Variants in ZFHX3 observed in about 807,000 individuals in gnomAD.
The protein encoded by ZFHX3 is zinc finger homeobox 3.
A neutral mutation model predicts 279.1 loss-of-function variants in ZFHX3; 42 were observed. The observed-to-expected ratio is 0.15, with a 90% CI of 0.12 to 0.19. ZFHX3 has a LOEUF of 0.19. Ranked by LOEUF, ZFHX3 falls within the 10% of genes least tolerant of loss-of-function variation. The probability of loss-of-function intolerance (pLI) is 1.00; values close to 1 mark genes in which losing one functional copy is unlikely to be tolerated. For synonymous variants in ZFHX3, 2,293 were observed against 1,957.8 expected, an observed-to-expected ratio of 1.17 and a Z score of -4.52; for missense variants, 4,981 against 4,754.0, an observed-to-expected ratio of 1.05 and a Z score of -1.40.
chr16:73,478,432 C>G (rs2018807691), intron 2 of ZFHX3, among the ~76,000 whole-genome samples: 1 of 152,042 alleles, frequency 6.6e-6, no homozygotes, highest in Non-Finnish European at 1.5e-5. Context: ...TAAATAACAG[C>G]ACTTTGTTAA....
chr16:72,961,681 C>T (rs1961586311), intron 1 of ZFHX3, among the ~76,000 whole-genome samples: 1 of 152,006 alleles, frequency 6.6e-6, no homozygotes, highest in Non-Finnish European at 1.5e-5. Flanking sequence ...ACAACAGCTC[C>T]CCCTCGGGAA....
chr16:73,729,728 G>C (rs1487519499), intron 1 of ZFHX3, among the ~76,000 whole-genome samples: 1 of 152,152 alleles, frequency 6.6e-6, no homozygotes, highest in Non-Finnish European at 1.5e-5. Context: ...ACACGCCAGT[G>C]TTTAATGTCT....
intron 1 of ZFHX3, among the ~76,000 whole-genome samples, chr16:73,697,217 CTTT>C (rs78469043): frequency 7.5e-6 from 1 of 133,838 alleles, no homozygotes. Context: ...ATTCTAACCT[CTTT>C]TTTTTTTTTT....
At chr16:73,333,566 T>A (rs2015847780) in intron 3 of ZFHX3, among the ~76,000 whole-genome samples, 1 of 152,036 alleles carries the variant, frequency 6.6e-6, no homozygotes. Flanking sequence ...GAAGAGCTAT[T>A]CAGTTGATGG....
chr16:73,378,926 T>A (rs1418349586), intron 3 of ZFHX3, among the ~76,000 whole-genome samples: 1 of 152,154 alleles, frequency 6.6e-6, no homozygotes, highest in Non-Finnish European at 1.5e-5. Context: ...CTTTTTAAGA[T>A]TGTCCTTTTG....
chr16:72,873,954 G>A (rs977452988), intron 4 of ZFHX3, among the ~76,000 whole-genome samples: 2 of 151,976 alleles, frequency 1.3e-5, no homozygotes, highest in African/African-American at 2.4e-5. Context: ...AATTGCCTTC[G>A]TAATAAGCAT....
intron 3 of ZFHX3, among the ~76,000 whole-genome samples, chr16:72,943,165 G>T (rs1960492884): frequency 6.6e-6 from 1 of 152,198 alleles, no homozygotes; most frequent in Non-Finnish European, 1.5e-5. Context: ...GCTAGCCATT[G>T]AATTTGAAGG....
At chr16:73,126,164 C>T (rs1966566609) in intron 7 of ZFHX3, among the ~76,000 whole-genome samples, 1 of 152,010 alleles carries the variant, frequency 6.6e-6, no homozygotes, top group Non-Finnish European at 1.5e-5. Flanking sequence ...AGGAATTTGT[C>T]CTCCATTCTG....
At chr16:73,465,070 G>T (rs1041569397) in intron 2 of ZFHX3, among the ~76,000 whole-genome samples, 2 of 152,178 alleles carry the variant, frequency 1.3e-5, no homozygotes, top group African/African-American at 4.8e-5. Context: ...CCGGCCAGCT[G>T]CTCTTGCTCA....
At chr16:73,332,525 C>T (rs1204203893) in intron 3 of ZFHX3, among the ~76,000 whole-genome samples, 4 of 152,192 alleles carry the variant, frequency 2.6e-5, no homozygotes, top group Non-Finnish European at 5.9e-5. Context: ...CAGAGGAAAA[C>T]TTACTTTCTT....
chr16:73,112,007 A>C (rs139602825), intron 7 of ZFHX3, among the ~76,000 whole-genome samples: 3 of 152,030 alleles, frequency 2.0e-5, no homozygotes, highest in African/African-American at 7.2e-5. Context: ...ACTGGAGAAC[A>C]GGTTTGCAGT....
At chr16:73,454,107 C>T (rs1055787341) in intron 3 of ZFHX3, among the ~76,000 whole-genome samples, 6 of 152,098 alleles carry the variant, frequency 3.9e-5, no homozygotes, top group African/African-American at 1.4e-4. Context: ...GCATCCTACC[C>T]AAATTCTTGA....
chr16:73,006,625 AG>A (rs1567629180), intron 1 of ZFHX3, among the ~76,000 whole-genome samples: 1 of 152,054 alleles, frequency 6.6e-6, no homozygotes, highest in Admixed American at 6.6e-5. Flanking sequence ...AAGAAAAGAA[AG>A]AAAAGAAAAA....
chr16:73,209,322 C>T (rs1417458122), intron 5 of ZFHX3, among the ~76,000 whole-genome samples: 1 of 152,056 alleles, frequency 6.6e-6, no homozygotes, highest in African/African-American at 2.4e-5. Flanking sequence ...AACAGAATAC[C>T]ATAGCCTGGG....
At chr16:73,746,045 T>C (rs1261487140) in intron 1 of ZFHX3, among the ~76,000 whole-genome samples, 2 of 150,504 alleles carry the variant, frequency 1.3e-5, no homozygotes, top group Admixed American at 6.6e-5. Context: ...CCTCTATTTA[T>C]TTTTTTATTT....
intron 4 of ZFHX3, among the ~76,000 whole-genome samples, chr16:73,295,182 T>A (rs2014879554): frequency 6.6e-6 from 1 of 152,096 alleles, no homozygotes; most frequent in Non-Finnish European, 1.5e-5. Context: ...GCCACTGCAC[T>A]CCAGCCTGGG....
At chr16:73,395,261 T>C (rs1298407826) in intron 3 of ZFHX3, among the ~76,000 whole-genome samples, 8 of 152,092 alleles carry the variant, frequency 5.3e-5, no homozygotes, top group African/African-American at 1.9e-4. Flanking sequence ...GTCAGGAGTT[T>C]GAGATGAGCC....
chr16:73,629,797 T>C (rs2052451268), intron 2 of ZFHX3, among the ~76,000 whole-genome samples: 1 of 152,050 alleles, frequency 6.6e-6, no homozygotes, highest in South Asian at 2.1e-4. Flanking sequence ...ATCCTACTAG[T>C]TAAAAATATG....
At chr16:72,856,055 C>T (rs940207468) in intron 4 of ZFHX3, among the ~76,000 whole-genome samples, 1 of 152,196 alleles carries the variant, frequency 6.6e-6, no homozygotes, top group Non-Finnish European at 1.5e-5. Flanking sequence ...TTTAATTAAA[C>T]AATTACATAA....
Sources: gnomAD v4.1 joint callset for allele counts (sites outside exome capture counted in the v4.1 genomes callset) on GRCh38, gnomAD v4.1.1 for gene constraint, MANE v1.5 for transcripts, NCBI Gene and HGNC (gene_info 2026-07-23, HGNC 2026-07-21) for gene names.